DSG1: variants seen among roughly 807,000 people sequenced by gnomAD.
DSG1 encodes the protein desmoglein 1, also known as desmoglein-1.
Under a neutral mutation model 97.5 loss-of-function variants are expected in DSG1, and 39 were observed. That is an observed-to-expected ratio of 0.40 (90% CI 0.31 to 0.52). DSG1 has a LOEUF of 0.52. Among genes scored for constraint, DSG1 ranks in the 20% least tolerant of loss-of-function variants. The pLI, the probability that DSG1 is intolerant of heterozygous loss-of-function variation, is 0.53. For missense variants in DSG1, 1,311 were observed against 1,295.4 expected (o/e 1.01, Z -0.18); for synonymous variants, 475 against 443.4 (o/e 1.07, Z -0.90).
intron 9 of DSG1, among the ~76,000 whole-genome samples, chr18:31,336,908 A>G (rs549835287): frequency 6.6e-6 from 1 of 152,294 alleles, no homozygotes; most frequent in South Asian, 2.1e-4. Context: ...GCTGATTACC[A>G]CAGGCCGTGA....
chr18:31,337,261 T>TTTG (rs2071761895), intron 9 of DSG1, among the ~76,000 whole-genome samples: 1 of 149,672 alleles, frequency 6.7e-6, no homozygotes, highest in African/African-American at 2.5e-5. Flanking sequence ...TTGTTTGTTG[T>TTTG]TTGTTTGTTT....
chr18:31,334,086 G>A lies in DSG1; in HGVS notation c.889G>A (p.Glu297Lys), dbSNP rs754601260. Reference protein sequence around the residue: ...LLEIRVIDLDEEFSANWMAVI... With the variant: ...LLEIRVIDLDKEFSANWMAVI... ...CGAGATTAGAGTAATTGATTTGGAT[G>A]AAGAGTTCTCAGCTAACTGGATGGC... Residue 297 changes from glutamate (E) to lysine (K), a missense_variant, in exon 8 of 15, where the codon GAA (glutamate) becomes AAA (lysine). Transcript: ENST00000257192. The A allele has an allele frequency of 6.2e-7, 1 of 1,610,784 alleles. No homozygotes were observed. The highest frequency in any genetic ancestry group is 1.7e-5 in the Admixed American group (1 of 59,998).
chr18:31,346,219 C>T (rs1023917232), intron 14 of DSG1, 21 bp downstream of exon 14: 3 of 1,588,462 alleles, frequency 1.9e-6, no homozygotes, highest in Non-Finnish European at 8.6e-7. Context: ...TAGCCACATG[C>T]CTTTCTCGCC....
In DSG1 at chr18:31,354,600, C is replaced by A; in HGVS notation, c.2404C>A (p.His802Asn). 6.2e-7 allele frequency: 1 copy of A among 1,614,204 alleles called. No individual in the cohort carries two copies. The highest frequency in any genetic ancestry group is 8.5e-7 in the Non-Finnish European group (1 of 1,180,032). Residue 802 changes from histidine to asparagine, a missense_variant, in exon 15 of 15, where the codon CAT becomes AAT. Transcript: ENST00000257192. ...TAGTGGACACCCACCAATCTCCCCA[C>A]ATTTCGGCACTACCACAGTAATTTC... Reference protein sequence around the residue: ...VVSGHPPISPHFGTTTVISES... With the variant: ...VVSGHPPISPNFGTTTVISES...
intron 14 of DSG1, among the ~76,000 whole-genome samples, chr18:31,353,638 A>ACCCTC (rs1568049813): frequency 6.7e-6 from 1 of 150,374 alleles, no homozygotes; most frequent in Admixed American, 6.7e-5. Context: ...TGGGCGTAGG[A>ACCCTC]CCCTCCGAGC....
intron 11 of DSG1, among the ~76,000 whole-genome samples, chr18:31,342,897 G>A (rs9966043): frequency 0.3 from 25,091 of 84,566 alleles, 2,915 homozygotes; most frequent in African/African-American, 0.41. Flanking sequence ...TACTATCTGT[G>A]ATTTTTTTTT....
At chr18:31,332,049 C>T (rs887497561) in intron 6 of DSG1, among the ~76,000 whole-genome samples, 182 bp downstream of exon 6, 19 of 152,022 alleles carry the variant, frequency 1.2e-4, no homozygotes, top group African/African-American at 2.4e-4. Flanking sequence ...TTTTCAATTA[C>T]GTTTTGTACT....
chr18:31,340,926 A>T (rs1024539876), intron 11 of DSG1, among the ~76,000 whole-genome samples: 22 of 152,328 alleles, frequency 1.4e-4, no homozygotes, highest in African/African-American at 5.3e-4. Context: ...AGGTCACCTA[A>T]CCTTTCTGAG....
rs755271644 is a variant in DSG1, at chr18:31,328,321, C to T, written c.349C>T (p.Arg117Ter). The change falls in exon 4 of 15, where the codon CGA becomes TGA. Residue 117 changes from arginine (R) to a stop codon, truncating the protein, a stop_gained. Coordinates refer to ENST00000257192, the MANE Select transcript of DSG1 (RefSeq NM_001942.4). LOFTEE classifies it high-confidence loss of function. ...GEINITSIVDREVTPFFIIYC... is the reference protein window; with the variant it reads ...GEINITSIVD The stretch of plus-strand genomic sequence containing the variant: ...AATTAATATAACATCCATAGTTGAT[C>T]GAGAGGTCACTCCTTTCTTCATTGT... 6.2e-7 allele frequency: 1 copy of T among 1,612,992 alleles called. No individual in the cohort carries two copies. The highest frequency in any genetic ancestry group is 2.2e-5 in the East Asian group (1 of 44,832).
Position 31,356,441 on chromosome 18 carries a change from G to A in DSG1, c.*1095G>A, listed in dbSNP as rs2071959274. On this transcript the variant is annotated 3_prime_UTR_variant, in exon 15 of 15. Transcript: ENST00000257192. ...GCTTTGGGGAATTTTTTTTTAAGGG[G>A]ATCTAAAAAAATGTTTTTAGAACAT... 2 of 151,742 alleles carry A rather than the reference G, an allele frequency of 1.3e-5. No homozygotes were observed. The highest frequency in any genetic ancestry group is 4.2e-4 in the South Asian group (2 of 4,816). 9.4% of individuals were successfully genotyped at this position (151,742 alleles called of 1,614,324 possible). A position where few individuals can be genotyped will look rare whatever the true frequency, so the allele number is the denominator to read the frequency against.
intron 1 of DSG1, among the ~76,000 whole-genome samples, chr18:31,326,013 AT>A (rs1404544956): frequency 1.3e-5 from 2 of 152,038 alleles, no homozygotes; most frequent in Non-Finnish European, 2.9e-5. Context: ...ATAATTATTA[AT>A]ATTAGATACA....
chr18:31,343,364 T>C, intron 11 of DSG1, 86 bp from the exon 12 acceptor site: 2 of 1,573,116 alleles, frequency 1.3e-6, no homozygotes, highest in African/African-American at 2.7e-5. Flanking sequence ...TATTACGAAT[T>C]CAAATTTAAC....
At chr18:31,350,703 G>GT (rs1307245273) in intron 14 of DSG1, among the ~76,000 whole-genome samples, 1 of 150,098 alleles carries the variant, frequency 6.7e-6, no homozygotes, top group Non-Finnish European at 1.5e-5. Flanking sequence ...TTGGGAGAGT[G>GT]TATGTGTCCA....
intron 11 of DSG1, among the ~76,000 whole-genome samples, chr18:31,341,115 C>T (rs953981945): frequency 6.6e-6 from 1 of 152,138 alleles, no homozygotes; most frequent in Non-Finnish European, 1.5e-5. Context: ...AACATTACCT[C>T]GAATGATGAT....
chr18:31,323,623 C>A (rs973457693), intron 1 of DSG1, among the ~76,000 whole-genome samples: 2 of 152,094 alleles, frequency 1.3e-5, no homozygotes, highest in South Asian at 4.1e-4. Context: ...TTCAAAAATC[C>A]TTAGGTTACC....
rs746375055 is a variant in DSG1, at chr18:31,354,422, C to T, written c.2226C>T (p.Asp742=). Residue 742 remains aspartate (D), a synonymous_variant, in exon 15 of 15, where the codon GAC becomes GAT. Transcript: ENST00000257192. ...GTTGTTGTAGCTTCATTGGAGAAGA[C>T]CTGGATGACAGCTTCTTGGATACCC... ...SVGCCSFIGE[D]LDDSFLDTLG... is the part of the protein sequence containing the mutation. The T allele has an allele frequency of 1.9e-5, 31 of 1,614,140 alleles. No homozygotes were observed. Among genetic ancestry groups the T allele is most frequent in the South Asian group, 3.3e-5 (3 of 91,066 alleles).
intron 13 of DSG1, 90 bp from the exon 14 acceptor site, chr18:31,345,900 A>G: frequency 1.0e-6 from 1 of 988,338 alleles, no homozygotes; most frequent in East Asian, 2.6e-5. Context: ...GCATACCTAA[A>G]TGAAAAAATC....
rs1461126734 is a variant in DSG1, at chr18:31,318,290, A to C, written c.-11A>C. ...CTCCCTTGGTCTTGGATGTAAGAGAATCCAGCAGAGATGGACTGGAGTTTC... is the reference window on the plus strand; with the variant it reads ...CTCCCTTGGTCTTGGATGTAAGAGACTCCAGCAGAGATGGACTGGAGTTTC... On this transcript the variant is annotated 5_prime_UTR_variant, in exon 1 of 15. Transcript: ENST00000257192. 22 of 1,612,080 alleles carry C rather than the reference A, an allele frequency of 1.4e-5. No homozygotes were observed. Among genetic ancestry groups the C allele is most frequent in the Non-Finnish European group, 1.9e-5 (22 of 1,178,266 alleles).
chr18:31,335,832 A>C (rs1318469832), intron 8 of DSG1, among the ~76,000 whole-genome samples: 1 of 150,422 alleles, frequency 6.6e-6, no homozygotes, highest in African/African-American at 2.4e-5. Flanking sequence ...TGAAGAAAAT[A>C]GATTTATTTA....
Sources: allele counts gnomAD v4.1 joint callset (sites outside exome capture counted in the v4.1 genomes callset), GRCh38; gene constraint gnomAD v4.1.1; transcripts MANE v1.5; gene names NCBI Gene and HGNC (gene_info 2026-07-23, HGNC 2026-07-21).